The following C1QTNF3 variants were observed in gnomAD, a reference collection of about 807,000 sequenced individuals.
C1QTNF3 encodes C1q and TNF related 3.
Under a neutral mutation model 32.6 loss-of-function variants are expected in C1QTNF3, and 26 were observed. The ratio of observed to expected loss-of-function variants is 0.80; its 90% confidence interval spans 0.58 to 1.11. The LOEUF (loss-of-function observed/expected upper bound fraction) is 1.11. Ranked by LOEUF, C1QTNF3 falls within the 50% of genes least tolerant of loss-of-function variation. C1QTNF3 has a pLI of 0.00. For synonymous variants in C1QTNF3, 155 were observed against 146.0 expected, an observed-to-expected ratio of 1.06 and a Z score of -0.44; for missense variants, 362 against 398.2, an observed-to-expected ratio of 0.91 and a Z score of 0.77.
chr5:34,237,822 A>G, the C1QTNF3 span, among the ~76,000 whole-genome samples: 1 of 152,040 alleles, frequency 6.6e-6, no homozygotes, highest in Non-Finnish European at 1.5e-5. Context: ...ACCTAACACA[A>G]GAAACACAGT....
chr5:34,036,622 A>T (rs1486108502), intron 1 of C1QTNF3, among the ~76,000 whole-genome samples: 2 of 152,220 alleles, frequency 1.3e-5, no homozygotes, highest in Non-Finnish European at 2.9e-5. Context: ...TCAACTATTT[A>T]ACATGATTTC....
the C1QTNF3 span, chr5:34,124,552 G>T: frequency 1.5e-6 from 1 of 655,586 alleles, no homozygotes; most frequent in Non-Finnish European, 2.8e-6. Context: ...GATCTTGTGA[G>T]AATTCACTCA....
At chr5:34,138,362 C>T in the C1QTNF3 span, among the ~76,000 whole-genome samples, 1 of 152,098 alleles carries the variant, frequency 6.6e-6, no homozygotes, top group Non-Finnish European at 1.5e-5. Context: ...ATATATACAA[C>T]ATATAAAATA....
At chr5:34,142,431 C>CAAAA in the C1QTNF3 span, among the ~76,000 whole-genome samples, 305 of 133,564 alleles carry the variant, frequency 2.3e-3, 1 homozygote, top group African/African-American at 7.6e-3. Flanking sequence ...GACTCCATCT[C>CAAAA]AAAAAAAAAA....
chr5:34,067,326 C>A, the C1QTNF3 span, among the ~76,000 whole-genome samples: 2 of 152,192 alleles, frequency 1.3e-5, no homozygotes. Context: ...AAGCAACACC[C>A]CACTCTACTA....
At chr5:34,236,049 C>T in the C1QTNF3 span, among the ~76,000 whole-genome samples, 1 of 152,114 alleles carries the variant, frequency 6.6e-6, no homozygotes, top group South Asian at 2.1e-4. Context: ...TCCAGTCAAG[C>T]ATACTGAAAA....
the C1QTNF3 span, among the ~76,000 whole-genome samples, chr5:34,227,430 T>C: frequency 6.6e-6 from 1 of 152,056 alleles, no homozygotes; most frequent in Non-Finnish European, 1.5e-5. Context: ...ATATATTTCA[T>C]TGTATTAAAT....
chr5:34,135,058 C>T, the C1QTNF3 span, among the ~76,000 whole-genome samples: 3 of 152,134 alleles, frequency 2.0e-5, no homozygotes, highest in African/African-American at 7.2e-5. Flanking sequence ...GTGGGTTTGT[C>T]ACAAATAGCT....
chr5:34,118,658 T>G, the C1QTNF3 span, among the ~76,000 whole-genome samples: 3 of 151,936 alleles, frequency 2.0e-5, no homozygotes, highest in Non-Finnish European at 4.4e-5. Flanking sequence ...CACTGTTAAC[T>G]TGGGCTTTTA....
chr5:34,203,235 G>C, the C1QTNF3 span, among the ~76,000 whole-genome samples: 3 of 151,878 alleles, frequency 2.0e-5, no homozygotes, highest in Admixed American at 1.3e-4. Flanking sequence ...AAGACAAAGA[G>C]ACAGACAGAA....
intron 5 of C1QTNF3, among the ~76,000 whole-genome samples, chr5:34,023,506 C>T (rs1177076047): frequency 6.6e-6 from 1 of 152,188 alleles, no homozygotes; most frequent in Admixed American, 6.5e-5. Context: ...TCATAGATAA[C>T]TCATGGCCCT....
the C1QTNF3 span, among the ~76,000 whole-genome samples, chr5:34,227,120 CAT>C: frequency 3.4e-5 from 5 of 149,216 alleles, 1 homozygote; most frequent in Non-Finnish European, 7.5e-5. Context: ...ACAGGAGAAA[CAT>C]GAGAGAACAC....
At chr5:34,148,181 C>G in the C1QTNF3 span, among the ~76,000 whole-genome samples, 1 of 148,790 alleles carries the variant, frequency 6.7e-6, no homozygotes, top group African/African-American at 2.5e-5. Context: ...GAGACTATAT[C>G]CCACACCTGG....
chr5:34,090,677 A>G, the C1QTNF3 span, among the ~76,000 whole-genome samples: 2 of 152,068 alleles, frequency 1.3e-5, no homozygotes, highest in South Asian at 4.2e-4. Context: ...TTTGGTAGGT[A>G]GTTAGGTTAT....
At chr5:34,112,347 C>T in the C1QTNF3 span, among the ~76,000 whole-genome samples, 1 of 151,978 alleles carries the variant, frequency 6.6e-6, no homozygotes, top group Non-Finnish European at 1.5e-5. Context: ...CAACACACAC[C>T]AACATGCTAG....
At chr5:34,028,327 A>G (rs1754529397) in intron 4 of C1QTNF3, among the ~76,000 whole-genome samples, 1 of 152,190 alleles carries the variant, frequency 6.6e-6, no homozygotes, top group Admixed American at 6.5e-5. Flanking sequence ...AATTAAAAAA[A>G]TAGGATCAGG....
chr5:34,195,844 A>T, the C1QTNF3 span, among the ~76,000 whole-genome samples: 1 of 139,552 alleles, frequency 7.2e-6, no homozygotes, highest in Non-Finnish European at 1.5e-5. Context: ...TGTCTCAAAA[A>T]AAAAAAAAAA....
At chr5:34,162,161 T>C in the C1QTNF3 span, among the ~76,000 whole-genome samples, 5 of 152,226 alleles carry the variant, frequency 3.3e-5, no homozygotes, top group East Asian at 9.6e-4. Flanking sequence ...ACTTGTTAGT[T>C]TATAATGAAC....
the C1QTNF3 span, among the ~76,000 whole-genome samples, chr5:34,147,865 G>A: frequency 6.6e-6 from 1 of 152,174 alleles, no homozygotes; most frequent in East Asian, 1.9e-4. Flanking sequence ...CAAGATGGCC[G>A]AATAGGAACA....
Sources: gnomAD v4.1 joint callset for allele counts (sites outside exome capture counted in the v4.1 genomes callset) on GRCh38, gnomAD v4.1.1 for gene constraint, MANE v1.5 for transcripts, NCBI Gene and HGNC (gene_info 2026-07-23, HGNC 2026-07-21) for gene names.